RABL6: variants seen among roughly 807,000 people sequenced by gnomAD.
RABL6 encodes rab-like protein 6.
RABL6 carries 28 observed loss-of-function variants against 72.9 expected under a neutral mutation model. The observed-to-expected ratio is 0.38, with a 90% CI of 0.28 to 0.53. RABL6 has a LOEUF of 0.53. RABL6 is among the 20% of genes least tolerant of loss of function. RABL6 has a pLI of 0.80. For missense variants in RABL6, 1,029 were observed against 1,008.4 expected, an observed-to-expected ratio of 1.02 and a Z score of -0.28; for synonymous variants, 477 against 421.2, an observed-to-expected ratio of 1.13 and a Z score of -1.62.
At chr9:136,821,882 C>T (rs1014537751) in intron 1 of RABL6, 49 of 1,268,276 alleles carry the variant, frequency 3.9e-5, no homozygotes, top group South Asian at 8.9e-5. Context: ...TGCCCCCAGC[C>T]GGTGCGGCCG....
At position 136,837,922 on chromosome 9, in the gene RABL6, A is replaced by G; in HGVS notation, c.1187A>G (p.Asp396Gly). 1 of 1,554,254 alleles carries G rather than the reference A, an allele frequency of 6.4e-7. No individual in the cohort carries two copies. The highest frequency in any genetic ancestry group is 8.7e-7 in the Non-Finnish European group (1 of 1,149,434). ...CAGAGTGTGGAGGACTTTGTTCCTGACGACCGCCTGGACCGCAGCTTCCTG... is the reference window on the plus strand; with the variant it reads ...CAGAGTGTGGAGGACTTTGTTCCTGGCGACCGCCTGGACCGCAGCTTCCTG... ...TVQSVEDFVP[D>G]DRLDRSFLED... The change falls in exon 10 of 15, where the codon GAC becomes GGC. Residue 396 changes from aspartate (D) to glycine (G), a missense_variant. By Grantham distance (94) the Asp-to-Gly change is moderately conservative. This residue lies in a region of RABL6 where 595 missense variants were observed against 472.4 expected (regional missense o/e 1.26). Coordinates refer to ENST00000311502, the MANE Select transcript of RABL6 (RefSeq NM_024718.5).
intron 1 of RABL6, chr9:136,813,165 G>A: frequency 2.1e-6 from 1 of 468,008 alleles, no homozygotes; most frequent in Non-Finnish European, 4.0e-6. Flanking sequence ...TTAGATGGCT[G>A]GCTCCTGGCA....
intron 2 of RABL6, among the ~76,000 whole-genome samples, chr9:136,825,507 C>T (rs1025539030): frequency 6.8e-6 from 1 of 148,080 alleles, no homozygotes; most frequent in East Asian, 2.0e-4. Flanking sequence ...TGCCCAGGAT[C>T]GGGGCCCGGG....
chr9:136,837,370 C>A lies in RABL6; in HGVS notation c.834C>A (p.Arg278=), dbSNP rs558326057. 2.5e-6 allele frequency: 4 copies of A among 1,603,394 alleles called. No individual in the cohort carries two copies. The highest frequency in any genetic ancestry group is 1.7e-4 in the Middle Eastern group (1 of 6,046). Residue 278 remains arginine, a synonymous_variant, in exon 9 of 15, where the codon CGC becomes CGA. Transcript: ENST00000311502. The part of the protein sequence containing the change: ...YGIFLEMMEA[R]SRGHASPLAA... ...GCTTCCTGGAGATGATGGAGGCTCG[C>A]AGCCGTGGCCATGCGTCCCCACTGG...
At chr9:136,808,459 T>A in intron 1 of RABL6, 133 bp downstream of exon 1, 1 of 993,300 alleles carries the variant, frequency 1.0e-6, no homozygotes, top group Non-Finnish European at 1.3e-6. Context: ...CGCCGGGCGC[T>A]CCGGGAGCGG....
chr9:136,838,050 C>A, intron 10 of RABL6, 35 bp downstream of exon 10: 1 of 1,548,312 alleles, frequency 6.5e-7, no homozygotes, highest in Non-Finnish European at 8.7e-7. Flanking sequence ...CTCCCATTGC[C>A]CCCCAGCCTC....
intron 1 of RABL6, among the ~76,000 whole-genome samples, chr9:136,822,299 C>T (rs1185360594): frequency 2.6e-5 from 4 of 152,184 alleles, no homozygotes; most frequent in Admixed American, 6.5e-5. Flanking sequence ...TGCAGACCTG[C>T]TCCTTGGTTG....
intron 7 of RABL6, chr9:136,833,833 C>T (rs1219105073): frequency 1.0e-5 from 16 of 1,550,520 alleles, no homozygotes; most frequent in South Asian, 1.2e-5. Flanking sequence ...GGAAGGAAGG[C>T]GGCAGTCAGA....
At chr9:136,822,089 GGA>G in intron 1 of RABL6, 1 of 1,288,346 alleles carries the variant, frequency 7.8e-7, no homozygotes, top group South Asian at 1.2e-5. Flanking sequence ...GACTGGGCCA[GGA>G]GAGAGGAGCC....
intron 2 of RABL6, among the ~76,000 whole-genome samples, chr9:136,825,389 G>A (rs1848330491): frequency 6.6e-6 from 1 of 151,524 alleles, no homozygotes. Flanking sequence ...CTGAGGCCAG[G>A]AGGGGCCGTG....
chr9:136,821,176 G>A (rs973051631), intron 1 of RABL6, among the ~76,000 whole-genome samples: 1 of 152,240 alleles, frequency 6.6e-6, no homozygotes, highest in Admixed American at 6.5e-5. Context: ...AAGAGCATGT[G>A]CCATTTTTAC....
rs764849597 is a variant in RABL6 at position 136,808,183 on chromosome 9, G to A, written c.-14G>A. Reference sequence around the variant, plus strand: ...TCGCCGGCCGCGCCCGGGCTGGGACGTCCGAGCGGGAAGATGTTTTCCGCC... The same window carrying A: ...TCGCCGGCCGCGCCCGGGCTGGGACATCCGAGCGGGAAGATGTTTTCCGCC... On this transcript the variant is annotated 5_prime_UTR_variant, in exon 1 of 15. Coordinates refer to ENST00000311502, the MANE Select transcript of RABL6 (RefSeq NM_024718.5). The A allele has an allele frequency of 1.3e-6, 2 of 1,509,724 alleles. No individual in the cohort carries two copies. The highest frequency in any genetic ancestry group is 1.8e-6 in the Non-Finnish European group (2 of 1,128,784). The allele number at this position is 1,509,724 out of a possible 1,614,324, so 93.5% of individuals were successfully genotyped here.
Position 136,837,449 on chromosome 9 carries a change from G to T in RABL6, c.913G>T (p.Gly305Cys). The T allele has an allele frequency of 6.4e-7, 1 of 1,568,684 alleles. No individual in the cohort carries two copies. Among genetic ancestry groups the T allele is most frequent in the Non-Finnish European group, 8.6e-7 (1 of 1,159,460 alleles). The change falls in exon 9 of 15, where the codon GGC becomes TGC. Residue 305 changes from glycine (G) to cysteine (C), a missense_variant. By Grantham distance (159) the Gly-to-Cys change is radical. Transcript: ENST00000311502. ...PGSQSPVVPA[G>C]AVSTGSSSPG... is the part of the protein sequence containing the mutation. ...CTCCCAGTCACCAGTGGTGCCTGCA[G>T]GCGCTGTGTCCACGGGGAGCTCCAG...
chr9:136,810,524 A>G (rs1159027123), intron 1 of RABL6, among the ~76,000 whole-genome samples: 2 of 152,188 alleles, frequency 1.3e-5, no homozygotes, highest in Non-Finnish European at 2.9e-5. Context: ...GAAAGTTTCT[A>G]GTATTTCTTT....
At chr9:136,810,541 C>G (rs1847987284) in intron 1 of RABL6, among the ~76,000 whole-genome samples, 1 of 151,942 alleles carries the variant, frequency 6.6e-6, no homozygotes, top group African/African-American at 2.4e-5. Flanking sequence ...CTTTTCTTTT[C>G]TTTTCTTTTT....
intron 7 of RABL6, chr9:136,834,595 A>C (rs967600711): frequency 1.2e-4 from 63 of 511,598 alleles, no homozygotes; most frequent in South Asian, 7.6e-4. Context: ...TCTCCTGCCT[A>C]AGCCTCCCAA....
intron 2 of RABL6, 76 bp downstream of exon 2, chr9:136,823,735 T>C: frequency 6.8e-7 from 1 of 1,478,840 alleles, no homozygotes; most frequent in Non-Finnish European, 9.0e-7. Flanking sequence ...GGGAGATGCA[T>C]TCCCCAGAGG....
chr9:136,810,588 C>G (rs1847988681), intron 1 of RABL6, among the ~76,000 whole-genome samples: 1 of 152,150 alleles, frequency 6.6e-6, no homozygotes. Context: ...GTCTCCCAGG[C>G]TGGAGTGCAG....
At chr9:136,819,138 T>C (rs763815334) in intron 1 of RABL6, among the ~76,000 whole-genome samples, 11 of 151,660 alleles carry the variant, frequency 7.3e-5, no homozygotes, top group Non-Finnish European at 1.3e-4. Context: ...CTGGCTAACA[T>C]GGTGAAACCC....
Sources: gnomAD v4.1 joint callset for allele counts (sites outside exome capture counted in the v4.1 genomes callset) on GRCh38, gnomAD v4.1.1 for gene constraint, gnomAD v4.1.1 regional missense constraint, MANE v1.5 for transcripts, NCBI Gene and HGNC (gene_info 2026-07-23, HGNC 2026-07-21) for gene names.